VPS36: variants seen among roughly 807,000 people sequenced by gnomAD.
VPS36 encodes the protein vacuolar protein sorting 36 homolog, also known as vacuolar protein-sorting-associated protein 36.
VPS36 carries 31 observed loss-of-function variants against 63.5 expected under a neutral mutation model. The ratio of observed to expected loss-of-function variants is 0.49; its 90% confidence interval spans 0.37 to 0.66. VPS36 has a LOEUF of 0.66. Ranked by LOEUF, VPS36 falls within the 30% of genes least tolerant of loss-of-function variation. The pLI is 0.00. For missense variants in VPS36, 338 were observed against 463.7 expected (o/e 0.73, Z 2.49); for synonymous variants, 138 against 157.2 (o/e 0.88, Z 0.91).
At chr13:52,422,922 T>C (rs778571596) in intron 10 of VPS36, among the ~76,000 whole-genome samples, 2 of 152,156 alleles carry the variant, frequency 1.3e-5, no homozygotes, top group Non-Finnish European at 2.9e-5. Context: ...TGGTGGGAGA[T>C]GATTGAATTA....
At chr13:52,433,586 G>T in intron 6 of VPS36, 76 bp downstream of exon 6, 1 of 1,132,654 alleles carries the variant, frequency 8.8e-7, no homozygotes, top group Non-Finnish European at 1.3e-6. Context: ...TTACAGAAGG[G>T]AATTAGGCAC....
intron 12 of VPS36, 116 bp from the exon 13 acceptor site, chr13:52,416,209 C>T: frequency 1.1e-6 from 1 of 948,240 alleles, no homozygotes; most frequent in Non-Finnish European, 1.6e-6. Flanking sequence ...AAATAATTTA[C>T]TGAATGTCCT....
intron 6 of VPS36, chr13:52,429,397 C>G: frequency 1.5e-6 from 1 of 678,208 alleles, no homozygotes; most frequent in Non-Finnish European, 1.8e-6. Flanking sequence ...CAGCCTTTGA[C>G]TTCCATATTC....
intron 1 of VPS36, among the ~76,000 whole-genome samples, chr13:52,447,852 G>A (rs1293659486): frequency 8.6e-5 from 13 of 150,318 alleles, no homozygotes; most frequent in African/African-American, 2.9e-4. Context: ...GCACAATCTC[G>A]GCTCACTGTA....
intron 6 of VPS36, among the ~76,000 whole-genome samples, chr13:52,427,682 C>A (rs547612867): frequency 1.1e-3 from 165 of 152,016 alleles, no homozygotes; most frequent in African/African-American, 3.8e-3. Context: ...AATAAATCTA[C>A]CTTATTCTAA....
In VPS36 at chr13:52,439,093, CT is replaced by C; in HGVS notation, c.236+4del. ...GAATAAAGACTGTGCTATACACAGA[CT>C]TACCTCTTCCCAATTCCAGCCGCCT... On this transcript the variant is annotated splice_donor_region_variant and intron_variant, in intron 3 of 13. Transcript: ENST00000378060. 1 of 1,613,360 alleles carries C rather than the reference CT, an allele frequency of 6.2e-7. No homozygotes were observed. The highest frequency in any genetic ancestry group is 8.5e-7 in the Non-Finnish European group (1 of 1,179,644).
chr13:52,443,263 C>T (rs570274398), intron 1 of VPS36, among the ~76,000 whole-genome samples: 44 of 152,008 alleles, frequency 2.9e-4, no homozygotes, highest in Non-Finnish European at 5.7e-4. Flanking sequence ...GGGAGAAGAC[C>T]TTTCTAAGAA....
At chr13:52,431,513 C>G (rs1958155590) in intron 6 of VPS36, among the ~76,000 whole-genome samples, 2 of 151,978 alleles carry the variant, frequency 1.3e-5, no homozygotes, top group Non-Finnish European at 2.9e-5. Context: ...GCCTGTAATC[C>G]TAGCACTTTG....
intron 6 of VPS36, among the ~76,000 whole-genome samples, chr13:52,427,586 G>A (rs1329099979): frequency 6.7e-6 from 1 of 148,646 alleles, no homozygotes; most frequent in Non-Finnish European, 1.5e-5. Flanking sequence ...CAGCCTGGGC[G>A]ACAAAGCAAG....
chr13:52,432,580 T>C (rs773754239), intron 6 of VPS36, among the ~76,000 whole-genome samples: 37 of 152,158 alleles, frequency 2.4e-4, no homozygotes, highest in Non-Finnish European at 4.9e-4. Context: ...CCACCACCAA[T>C]GAACTAATAG....
At chr13:52,422,019 T>G (rs566397548) in intron 10 of VPS36, among the ~76,000 whole-genome samples, 2 of 152,170 alleles carry the variant, frequency 1.3e-5, no homozygotes, top group Non-Finnish European at 2.9e-5. Flanking sequence ...AAATATACAA[T>G]ACATTGTTGC....
At position 52,450,618 on chromosome 13, in the gene VPS36, C is replaced by A. The variant is rs751434667; in HGVS notation, c.-24G>T. 5.2e-6 allele frequency: 8 copies of A among 1,549,666 alleles called. No individual in the cohort carries two copies. Among genetic ancestry groups the A allele is most frequent in the Non-Finnish European group, 6.1e-6 (7 of 1,147,744 alleles). Reference sequence around the variant, plus strand: ...ATGGCCGCTGCCACCCAGCCCCGGCCCTCCGAGGCCGCGAGCAGCGCGCCA... The same window carrying A: ...ATGGCCGCTGCCACCCAGCCCCGGCACTCCGAGGCCGCGAGCAGCGCGCCA... On this transcript the variant is annotated 5_prime_UTR_variant, in exon 1 of 14. Coordinates refer to ENST00000378060, the MANE Select transcript of VPS36 (RefSeq NM_016075.4).
At chr13:52,419,974 C>T (rs1376836010) in intron 10 of VPS36, among the ~76,000 whole-genome samples, 2 of 152,156 alleles carry the variant, frequency 1.3e-5, no homozygotes, top group African/African-American at 4.8e-5. Flanking sequence ...GATGCAGTGG[C>T]CCATGCCTGT....
At chr13:52,436,253 A>ACACACC in intron 4 of VPS36, 37 bp downstream of exon 4, 5 of 1,401,784 alleles carry the variant, frequency 3.6e-6, no homozygotes, top group Non-Finnish European at 4.0e-6. Flanking sequence ...ACACACACAC[A>ACACACC]CCTTTCTAGT....
chr13:52,436,132 T>C lies in VPS36; in HGVS notation c.351+158A>G, dbSNP rs554824327. The C allele has an allele frequency of 1.7e-5, 9 of 521,394 alleles. No individual in the cohort carries two copies. The Admixed American group carries it at 1.9e-4, about 11-fold the overall frequency. 32.3% of individuals were successfully genotyped at this position (521,394 alleles called of 1,614,324 possible). On this transcript the variant is annotated intron_variant, in intron 4 of 13. Coordinates refer to ENST00000378060, the MANE Select transcript of VPS36 (RefSeq NM_016075.4). ...ATATTCTCCACTCACTGCTAAGGCT[T>C]AAGATATAATAAAAATTTTATTGTA...
Position 52,439,126 on chromosome 13 carries a change from C to T in VPS36, c.208G>A (p.Glu70Lys). 6.2e-7 allele frequency: 1 copy of T among 1,613,792 alleles called. No homozygotes were observed. The highest frequency in any genetic ancestry group is 2.2e-5 in the East Asian group (1 of 44,856). The change falls in exon 3 of 14, where the codon GAA (glutamate) becomes AAA (lysine). Residue 70 changes from glutamate to lysine, a missense_variant. Coordinates refer to ENST00000378060, the MANE Select transcript of VPS36 (RefSeq NM_016075.4). ...AILLSQIVFI[E>K]EQAAGIGKSA... is the part of the protein sequence containing the mutation. ...TTCCCAATTCCAGCCGCCTGTTCTTCAATGAACACAATTTGGGAAAGGAGA... is the reference window on the plus strand; with the variant it reads ...TTCCCAATTCCAGCCGCCTGTTCTTTAATGAACACAATTTGGGAAAGGAGA...
chr13:52,446,086 TAAAAATAAAAAATA>T (rs372727244), intron 1 of VPS36, among the ~76,000 whole-genome samples: 6 of 141,336 alleles, frequency 4.2e-5, no homozygotes, highest in African/African-American at 1.6e-4. Flanking sequence ...CCGTCTCTAC[TAAAAATAAAAAATA>T]AAAAATAAAA....
intron 1 of VPS36, among the ~76,000 whole-genome samples, chr13:52,449,606 T>A (rs1348389499): frequency 6.6e-6 from 1 of 152,108 alleles, no homozygotes; most frequent in African/African-American, 2.4e-5. Context: ...GGAAGAGAGG[T>A]AGCAAATTAA....
At chr13:52,439,027 AG>A in intron 3 of VPS36, 70 bp downstream of exon 3, 1 of 1,391,604 alleles carries the variant, frequency 7.2e-7, no homozygotes, top group South Asian at 1.3e-5. Flanking sequence ...AGTCTAAGAT[AG>A]GACCTCTTGG....
Sources: allele counts gnomAD v4.1 joint callset (sites outside exome capture counted in the v4.1 genomes callset), GRCh38; gene constraint gnomAD v4.1.1; transcripts MANE v1.5; gene names NCBI Gene and HGNC (gene_info 2026-07-23, HGNC 2026-07-21).